KCNK5: variants seen among roughly 807,000 people sequenced by gnomAD.
KCNK5 encodes potassium two pore domain channel subfamily K member 5.
In KCNK5, 18 loss-of-function variants were observed where a neutral mutation model predicts 32.9. The ratio of observed to expected loss-of-function variants is 0.55; its 90% CI spans 0.38 to 0.81. The LOEUF is 0.81. Among genes scored for constraint, KCNK5 ranks in the 30% least tolerant of loss-of-function variants. KCNK5 has a pLI of 0.00. For synonymous variants in KCNK5, 276 were observed against 275.3 expected, an observed-to-expected ratio of 1.00 and a Z score of -0.03; for missense variants, 507 against 651.0, an observed-to-expected ratio of 0.78 and a Z score of 2.41.
At position 39,194,410 on chromosome 6, in the gene KCNK5, A is replaced by G. The variant is rs932133505; in HGVS notation, c.466-73T>C. On this transcript the variant is annotated intron_variant, in intron 3 of 4. Transcript: ENST00000359534. This position sits in a 1 kb window ranked among gnomAD's most constrained non-coding sequence, Gnocchi z 4.7. ...ACCCAGCAAAGGCACCCAGAGGGCC[A>G]GGGAGGCAGCTAGAGGAGAAGCTAG... 1.2e-5 allele frequency: 19 copies of G among 1,523,430 alleles called. No individual in the cohort carries two copies. Among genetic ancestry groups the G allele is most frequent in the Admixed American group, 1.2e-4 (6 of 51,356 alleles). 94.4% of individuals were successfully genotyped at this position (1,523,430 alleles called of 1,614,324 possible).
chr6:39,217,325 G>C (rs1297353965), intron 1 of KCNK5, among the ~76,000 whole-genome samples: 1 of 151,976 alleles, frequency 6.6e-6, no homozygotes, highest in Non-Finnish European at 1.5e-5. Context: ...CACAGCCAGG[G>C]CTTTGGCTTA....
At chr6:39,208,533 G>A (rs956080789) in intron 1 of KCNK5, among the ~76,000 whole-genome samples, 1 of 152,220 alleles carries the variant, frequency 6.6e-6, no homozygotes, top group African/African-American at 2.4e-5. Flanking sequence ...TCCGGCTGCA[G>A]TCCAAGCCCA....
At chr6:39,222,758 T>C (rs1285475924) in intron 1 of KCNK5, among the ~76,000 whole-genome samples, 1 of 152,224 alleles carries the variant, frequency 6.6e-6, no homozygotes, top group East Asian at 1.9e-4. Flanking sequence ...CCATACTATT[T>C]TTCACAGTGG....
At chr6:39,213,853 C>T (rs575712438) in intron 1 of KCNK5, among the ~76,000 whole-genome samples, 4 of 151,976 alleles carry the variant, frequency 2.6e-5, no homozygotes, top group African/African-American at 4.8e-5. Context: ...AGTGAAACCC[C>T]GTTTCTACTA....
chr6:39,199,022 C>T (rs945225953), intron 1 of KCNK5, among the ~76,000 whole-genome samples: 8 of 152,106 alleles, frequency 5.3e-5, no homozygotes, highest in African/African-American at 1.9e-4. Flanking sequence ...GTTGCATGTA[C>T]CAGGCACTGT....
At position 39,229,189 on chromosome 6, in the gene KCNK5, GA is replaced by G. The variant is rs1018327999; in HGVS notation, c.-79del. 2.1e-5 allele frequency: 30 copies of G among 1,446,844 alleles called. No individual in the cohort carries two copies. In the South Asian group the frequency reaches 2.7e-4, roughly 13 times the overall value. The allele number at this position is 1,446,844 out of a possible 1,614,324, so 89.6% of individuals were successfully genotyped here. A position where few individuals can be genotyped will look rare whatever the true frequency, so the allele number is the denominator to read the frequency against. ...CCAGTCCGCCCGCCCTCCAGCCTCT[GA>G]AAACAGCTGTTTGAATTTGGAGCTC... On this transcript the variant is annotated 5_prime_UTR_variant, in exon 1 of 5. An upstream open reading frame in the 5' UTR loses its in-frame stop. Coordinates refer to ENST00000359534, the MANE Select transcript of KCNK5 (RefSeq NM_003740.4).
At position 39,229,340 on chromosome 6, in the gene KCNK5, CGAACACCAGCGGGGCT is replaced by C. The variant is rs1427793836; in HGVS notation, c.-245_-230del. On this transcript the variant is annotated 5_prime_UTR_variant, in exon 1 of 5. Transcript: ENST00000359534. ...CCCCACTCACGCGGCCCGGGGTGGG[CGAACACCAGCGGGGCT>C]GAAAGGGCGCCCTGGACCGCGGATG... 46 of 576,032 alleles carry C rather than the reference CGAACACCAGCGGGGCT, an allele frequency of 8.0e-5. No homozygotes were observed. In the East Asian group the frequency reaches 1.3e-3, roughly 16 times the overall value. The allele number at this position is 576,032 out of a possible 1,614,324, so 35.7% of individuals were successfully genotyped here.
chr6:39,209,218 G>C (rs1275459232), intron 1 of KCNK5, among the ~76,000 whole-genome samples: 2 of 152,182 alleles, frequency 1.3e-5, no homozygotes, highest in Non-Finnish European at 2.9e-5. Flanking sequence ...GGAAACCACA[G>C]GGTTGCAATT....
At chr6:39,223,910 C>T (rs914161270) in intron 1 of KCNK5, among the ~76,000 whole-genome samples, 2 of 152,300 alleles carry the variant, frequency 1.3e-5, no homozygotes, top group East Asian at 1.9e-4. Flanking sequence ...TTTGCATCCC[C>T]CACCCCCACT....
chr6:39,229,049 C>T lies in KCNK5; in HGVS notation c.63G>A (p.Ala21=). The change falls in exon 1 of 5, where the codon GCG becomes GCA. Residue 21 remains alanine, a synonymous_variant. Coordinates refer to ENST00000359534, the MANE Select transcript of KCNK5 (RefSeq NM_003740.4). ...GTGGCTCCTCCAGCACTTCGAAGAT[C>T]GCCGCCCCGATGGCCAGGTAGAAGA... ...AIIFYLAIGA[A]IFEVLEEPHW... is the part of the protein sequence containing the mutation. 6.2e-7 allele frequency: 1 copy of T among 1,614,168 alleles called. No homozygotes were observed. Among genetic ancestry groups the T allele is most frequent in the Non-Finnish European group, 8.5e-7 (1 of 1,180,022 alleles).
chr6:39,220,217 A>C (rs931681678), intron 1 of KCNK5, among the ~76,000 whole-genome samples: 2 of 152,168 alleles, frequency 1.3e-5, no homozygotes, highest in Non-Finnish European at 2.9e-5. Flanking sequence ...CTCAGGGGGC[A>C]AGCATCCCCG....
At position 39,191,372 on chromosome 6, in the gene KCNK5, A is replaced by C. The variant is rs1478733764; in HGVS notation, c.1018T>G (p.Ser340Ala). The C allele has an allele frequency of 7.4e-6, 12 of 1,613,482 alleles. No homozygotes were observed. Among genetic ancestry groups the C allele is most frequent in the Non-Finnish European group, 1.0e-5 (12 of 1,180,006 alleles). The stretch of plus-strand genomic sequence containing the variant: ...GAGTAGACTACCAGGGGCACCAGGG[A>C]AGGGGGCAGTGCTGGGAGCCCACCG... ...QGGGLPALPP[S>A]LVPLVVYSKN... Residue 340 changes from serine (S) to alanine (A), a missense_variant, in exon 5 of 5, where the codon TCC becomes GCC. Transcript: ENST00000359534. This position sits in a 1 kb window ranked among gnomAD's most constrained non-coding sequence, Gnocchi z 5.8.
chr6:39,196,834 T>C (rs1201195263), intron 1 of KCNK5, among the ~76,000 whole-genome samples: 3 of 152,178 alleles, frequency 2.0e-5, no homozygotes, highest in African/African-American at 7.2e-5. Context: ...GGATAGCAGG[T>C]GAGAGGCCAC....
chr6:39,213,525 G>C (rs1389710391), intron 1 of KCNK5, among the ~76,000 whole-genome samples: 3 of 152,186 alleles, frequency 2.0e-5, no homozygotes, highest in Non-Finnish European at 4.4e-5. Flanking sequence ...GGAAGCACCA[G>C]GTCCCTATTC....
At position 39,217,782 on chromosome 6, in the gene KCNK5, A is replaced by G. The variant is rs538146789; in HGVS notation, c.186+11144T>C. On this transcript the variant is annotated intron_variant, in intron 1 of 4. Coordinates refer to ENST00000359534, the MANE Select transcript of KCNK5 (RefSeq NM_003740.4). ...GCTCCTTGGGCGCAGACGCAGGAGG[A>G]GCAAAGTCCAGGGCTGGAGAGACTC... Among the ~76,000 whole-genome samples the G allele has an allele frequency of 5.3e-5, 8 of 152,230 alleles. No homozygotes were observed. The East Asian group carries it at 1.4e-3, about 26-fold the overall frequency.
rs4714222 is a variant in KCNK5 at position 39,190,563 on chromosome 6, A to G, written c.*327T>C. ...CCGTGTGATACTCCACCAAATGGTG[A>G]GACAAAGACCCTGCAGGCAAGGCCT... On this transcript the variant is annotated 3_prime_UTR_variant, in exon 5 of 5. Coordinates refer to ENST00000359534, the MANE Select transcript of KCNK5 (RefSeq NM_003740.4). 104,607 of 226,514 alleles carry G rather than the reference A, an allele frequency of 0.46. 25,727 individuals carry two copies. The highest frequency in any genetic ancestry group is 0.53 in the Non-Finnish European group (61,574 of 116,220). The allele number at this position is 226,514 out of a possible 1,614,324, so 14.0% of individuals were successfully genotyped here.
At position 39,228,951 on chromosome 6, in the gene KCNK5, T is replaced by A. The variant is rs774856641; in HGVS notation, c.161A>T (p.Gln54Leu). The change falls in exon 1 of 5, where the codon CAG (glutamine) becomes CTG (leucine). Residue 54 changes from glutamine (Q) to leucine (L), a missense_variant. By Grantham distance (113) the Gln-to-Leu change is moderately radical. This residue lies in a region of KCNK5 where 143 missense variants were observed against 219.1 expected (regional missense o/e 0.65). Transcript: ENST00000359534. The stretch of plus-strand genomic sequence containing the variant: ...CTCTAGGATCTTGTCCAGGCCCTCC[T>A]GACCCAGGCACGGGAACTCCTTGAG... ...HLLKEFPCLG[Q>L]EGLDKILEVV... 25 of 1,614,166 alleles carry A rather than the reference T, an allele frequency of 1.5e-5. 1 individual carries two copies. In the South Asian group the frequency reaches 2.5e-4, roughly 16 times the overall value.
intron 1 of KCNK5, among the ~76,000 whole-genome samples, chr6:39,216,741 C>T (rs957598389): frequency 1.3e-5 from 2 of 152,098 alleles, no homozygotes; most frequent in African/African-American, 4.8e-5. Context: ...GGCTGTCATG[C>T]GGGGCTGGTG....
chr6:39,199,919 G>A (rs1267187387), intron 1 of KCNK5, among the ~76,000 whole-genome samples: 1 of 152,240 alleles, frequency 6.6e-6, no homozygotes, highest in Non-Finnish European at 1.5e-5. Flanking sequence ...GGCTCAGGGA[G>A]CTGAGGTCTG....
Sources: gnomAD v4.1 joint callset for allele counts (sites outside exome capture counted in the v4.1 genomes callset) on GRCh38, gnomAD v4.1.1 for gene constraint, gnomAD v4.1.1 regional missense constraint, Gnocchi (gnomAD v3.1) non-coding constraint, MANE v1.5 for transcripts, NCBI Gene and HGNC (gene_info 2026-07-23, HGNC 2026-07-21) for gene names.